The following KHDRBS2 variants were observed in gnomAD, a reference collection of about 807,000 sequenced individuals.
KHDRBS2 encodes the protein KH RNA binding domain containing, signal transduction associated 2, also known as KH domain-containing, RNA-binding, signal transduction-associated protein 2.
Under a neutral mutation model 44.3 loss-of-function variants are expected in KHDRBS2, and 26 were observed. The ratio of observed to expected loss-of-function variants is 0.59; its 90% CI spans 0.43 to 0.81. The LOEUF (loss-of-function observed/expected upper bound fraction) is 0.81, where lower values mean the gene tolerates loss of function less well. KHDRBS2 is among the 40% of genes least tolerant of loss of function. KHDRBS2 has a pLI of 0.00. For missense variants in KHDRBS2, 476 were observed against 433.1 expected, an observed-to-expected ratio of 1.10 and a Z score of -0.88; for synonymous variants, 194 against 151.1, an observed-to-expected ratio of 1.28 and a Z score of -2.08.
At chr6:61,637,160 T>C in the KHDRBS2 span, among the ~76,000 whole-genome samples, 51 of 152,148 alleles carry the variant, frequency 3.4e-4, no homozygotes, top group African/African-American at 1.2e-3. Context: ...ATTAAGTATA[T>C]CTCCCAATGC....
intron 1 of KHDRBS2, among the ~76,000 whole-genome samples, chr6:62,246,116 A>C (rs176608): frequency 1.7e-5 from 2 of 115,924 alleles, no homozygotes; most frequent in South Asian, 2.9e-4. Flanking sequence ...ATATATATAT[A>C]TATATATATA....
At chr6:62,060,570 T>C (rs1791541334) in intron 2 of KHDRBS2, among the ~76,000 whole-genome samples, 1 of 151,200 alleles carries the variant, frequency 6.6e-6, no homozygotes, top group Non-Finnish European at 1.5e-5. Context: ...TTGTATAACA[T>C]TATAAAATGA....
At chr6:62,130,612 A>G (rs1025354754) in intron 2 of KHDRBS2, among the ~76,000 whole-genome samples, 3 of 151,956 alleles carry the variant, frequency 2.0e-5, no homozygotes, top group Non-Finnish European at 4.4e-5. Flanking sequence ...TATATAATGA[A>G]TAATATATAG....
chr6:62,196,713 G>A (rs1016342972), intron 1 of KHDRBS2, among the ~76,000 whole-genome samples: 1 of 152,068 alleles, frequency 6.6e-6, no homozygotes, highest in African/African-American at 2.4e-5. Context: ...ACAGGTAGAT[G>A]AGCTTGAGGG....
intron 3 of KHDRBS2, among the ~76,000 whole-genome samples, chr6:61,993,985 A>G (rs1186245513): frequency 6.6e-6 from 1 of 152,090 alleles, no homozygotes; most frequent in Non-Finnish European, 1.5e-5. Flanking sequence ...CTCATATAAC[A>G]AAATAGAAAG....
At chr6:61,902,954 T>C (rs1448904424) in intron 4 of KHDRBS2, among the ~76,000 whole-genome samples, 1 of 152,206 alleles carries the variant, frequency 6.6e-6, no homozygotes, top group Non-Finnish European at 1.5e-5. Context: ...TCACTTAATT[T>C]TATTTTTAGC....
intron 2 of KHDRBS2, among the ~76,000 whole-genome samples, chr6:62,075,483 G>A (rs1202314613): frequency 6.6e-6 from 1 of 151,884 alleles, no homozygotes; most frequent in African/African-American, 2.4e-5. Flanking sequence ...AATGGTCCTG[G>A]TTCAATTTTA....
At chr6:61,676,368 A>C (rs936206823), downstream of KHDRBS2, among the ~76,000 whole-genome samples, 1 of 151,868 alleles carries the variant, frequency 6.6e-6, no homozygotes, top group African/African-American at 2.4e-5. Flanking sequence ...GAGTGCAGAA[A>C]AATCATCCCA....
intron 2 of KHDRBS2, among the ~76,000 whole-genome samples, chr6:62,125,411 T>C (rs539093529): frequency 1.3e-5 from 2 of 152,124 alleles, no homozygotes; most frequent in Non-Finnish European, 2.9e-5. Context: ...ACCTGAAAAG[T>C]AGTCTATGCC....
At chr6:61,732,820 G>T in intron 6 of KHDRBS2, 56 bp from the exon 7 acceptor site, 1 of 926,438 alleles carries the variant, frequency 1.1e-6, no homozygotes, top group Admixed American at 1.7e-5. Context: ...ACTTTGATCT[G>T]TTTTCAGTTA....
intron 6 of KHDRBS2, among the ~76,000 whole-genome samples, chr6:61,839,990 C>T (rs1243580576): frequency 6.6e-6 from 1 of 151,980 alleles, no homozygotes; most frequent in Admixed American, 6.6e-5. Flanking sequence ...AATGATTAAG[C>T]AAAGTGTTTT....
chr6:62,111,685 C>T (rs1434736189), intron 2 of KHDRBS2, among the ~76,000 whole-genome samples: 1 of 151,876 alleles, frequency 6.6e-6, no homozygotes, highest in Non-Finnish European at 1.5e-5. Context: ...AGTTAGAGAC[C>T]AACCTGGGAA....
chr6:62,214,812 T>C (rs983255784), intron 1 of KHDRBS2, among the ~76,000 whole-genome samples: 2 of 151,980 alleles, frequency 1.3e-5, no homozygotes, highest in Non-Finnish European at 1.5e-5. Context: ...GCTTTTCTTC[T>C]TTCTGTAACA....
At chr6:62,145,265 T>TG (rs1175266495) in intron 2 of KHDRBS2, among the ~76,000 whole-genome samples, 1 of 151,736 alleles carries the variant, frequency 6.6e-6, no homozygotes, top group African/African-American at 2.4e-5. Context: ...TTTTTGTTTT[T>TG]TTTTGGTAGG....
the KHDRBS2 span, among the ~76,000 whole-genome samples, chr6:61,667,827 AATGAAATGGTAGAATT>A: frequency 6.6e-6 from 1 of 151,256 alleles, no homozygotes; most frequent in Non-Finnish European, 1.5e-5. Context: ...TGGGTGATAC[AATGAAATGGTAGAATT>A]AGTGATGGAA....
At chr6:61,762,709 A>G (rs1359394042) in intron 6 of KHDRBS2, among the ~76,000 whole-genome samples, 1 of 152,206 alleles carries the variant, frequency 6.6e-6, no homozygotes, top group African/African-American at 2.4e-5. Context: ...TAACCTTAGC[A>G]ACACAAATGA....
chr6:61,942,464 C>T (rs1427489426), intron 4 of KHDRBS2, among the ~76,000 whole-genome samples: 1 of 151,836 alleles, frequency 6.6e-6, no homozygotes, highest in East Asian at 1.9e-4. Flanking sequence ...TTCAATAATA[C>T]ACTAGATTAA....
chr6:61,556,133 A>G, the KHDRBS2 span, among the ~76,000 whole-genome samples: 3 of 152,136 alleles, frequency 2.0e-5, no homozygotes, highest in Non-Finnish European at 4.4e-5. Context: ...AGGGAGACAG[A>G]GCTACTGGGG....
intron 6 of KHDRBS2, among the ~76,000 whole-genome samples, chr6:61,735,833 T>A (rs1443284774): frequency 6.6e-6 from 1 of 152,184 alleles, no homozygotes; most frequent in African/African-American, 2.4e-5. Context: ...ATCAGAATTT[T>A]GAGAGCTTTG....
Sources: gnomAD v4.1 joint callset for allele counts (sites outside exome capture counted in the v4.1 genomes callset) on GRCh38, gnomAD v4.1.1 for gene constraint, MANE v1.5 for transcripts, NCBI Gene and HGNC (gene_info 2026-07-23, HGNC 2026-07-21) for gene names.